ASAH1: variants seen among roughly 807,000 people sequenced by gnomAD.
ASAH1 encodes acid ceramidase.
ASAH1 carries 70 observed loss-of-function variants against 59.5 expected under a neutral mutation model. That is an observed-to-expected ratio of 1.18 (90% confidence interval 0.97 to 1.43). ASAH1 has a LOEUF of 1.43. Ranked by LOEUF, ASAH1 falls within the 40% of genes most tolerant of loss-of-function variation. The pLI, the probability that ASAH1 is intolerant of heterozygous loss-of-function variation, is 0.00. For synonymous variants in ASAH1, 213 were observed against 166.5 expected (o/e 1.28, Z -2.15); for missense variants, 660 against 482.5 (o/e 1.37, Z -3.45).
At chr8:18,084,128 G>C, upstream of ASAH1, 1 of 1,582,418 alleles carries the variant, frequency 6.3e-7, no homozygotes, top group East Asian at 2.3e-5. Context: ...GCCGGGGGCA[G>C]GCCACGCCCC....
rs768090112 is a variant in ASAH1, at chr8:18,075,583, G to A, written c.83C>T (p.Thr28Ile). The A allele has an allele frequency of 1.2e-6, 2 of 1,614,012 alleles. No homozygotes were observed. Among genetic ancestry groups the A allele is most frequent in the South Asian group, 1.1e-5 (1 of 91,082 alleles). The part of the protein sequence containing the change: ...CAVAQHAPPW[T>I]EDCRKSTYPP... ...ATAGGTTGATTTTCTGCAGTCCTCTGTCCACTGAAAAGCAAAGAAAATTAA... is the reference window on the plus strand; with the variant it reads ...ATAGGTTGATTTTCTGCAGTCCTCTATCCACTGAAAAGCAAAGAAAATTAA... The change falls in exon 2 of 14, where the codon ACA becomes ATA. Residue 28 changes from threonine (T) to isoleucine (I), a missense_variant. By Grantham distance (89) the Thr-to-Ile change is moderately conservative. Coordinates refer to ENST00000637790, the MANE Select transcript of ASAH1 (RefSeq NM_177924.5).
chr8:18,064,740 C>T (rs550899409), intron 5 of ASAH1: 22 of 541,274 alleles, frequency 4.1e-5, no homozygotes, highest in African/African-American at 2.5e-4. Context: ...AGGCAGCCTT[C>T]GGGCGAGCTG....
chr8:18,060,902 G>T (rs750858704), intron 10 of ASAH1: 2 of 174,104 alleles, frequency 1.1e-5, no homozygotes, highest in Non-Finnish European at 2.5e-5. Flanking sequence ...GCAGGCACGT[G>T]TCACCATGCC....
chr8:18,083,213 T>C (rs1214276863), intron 1 of ASAH1: 1 of 152,262 alleles, frequency 6.6e-6, no homozygotes, highest in Non-Finnish European at 1.5e-5. Context: ...AAACGCAGTC[T>C]GATTGCTTTA....
chr8:18,084,261 G>A (rs374641220), upstream of ASAH1: 461 of 1,451,234 alleles, frequency 3.2e-4, 2 homozygotes, highest in African/African-American at 5.9e-3. Context: ...GTGGCGTAGA[G>A]AAAGAGAGAG....
At chr8:18,084,275 C>A, upstream of ASAH1, 1 of 1,441,044 alleles carries the variant, frequency 6.9e-7, no homozygotes, top group Non-Finnish European at 9.1e-7. Context: ...GAGAGAGAGC[C>A]TTCCAGGCTA....
Position 18,064,548 on chromosome 8 carries a change from T to C in ASAH1, c.383-17A>G. The C allele has an allele frequency of 7.1e-7, 1 of 1,418,050 alleles. No homozygotes were observed. The highest frequency in any genetic ancestry group is 9.9e-7 in the Non-Finnish European group (1 of 1,013,744). 87.8% of individuals were successfully genotyped at this position (1,418,050 alleles called of 1,614,324 possible). A position where few individuals can be genotyped will look rare whatever the true frequency, so the allele number is the denominator to read the frequency against. On this transcript the variant is annotated splice_polypyrimidine_tract_variant and intron_variant, in intron 5 of 13. Coordinates refer to ENST00000637790, the MANE Select transcript of ASAH1 (RefSeq NM_177924.5). ...TAATCTCTCCTATGAGAAAAGAAAATTTTGTGTTAATATACAGAACCATGA... is the reference window on the plus strand; with the variant it reads ...TAATCTCTCCTATGAGAAAAGAAAACTTTGTGTTAATATACAGAACCATGA...
At chr8:18,067,139 C>CTGTATATCTAAGACATACAGCACCTGTGT in intron 5 of ASAH1, 81 bp downstream of exon 5, 4 of 1,126,448 alleles carry the variant, frequency 3.6e-6, no homozygotes, top group Non-Finnish European at 3.8e-6. Context: ...AGCACCTGTG[C>CTGTATATCTAAGACATACAGCACCTGTGT]TGTATGTATA....
intron 1 of ASAH1, among the ~76,000 whole-genome samples, chr8:18,078,112 AGG>A (rs1589002938): frequency 6.6e-6 from 1 of 152,318 alleles, no homozygotes; most frequent in East Asian, 1.9e-4. Flanking sequence ...CGCGTAGTTC[AGG>A]GCTTCTGGTG....
intron 4 of ASAH1, chr8:18,068,780 C>A (rs1260439344): frequency 6.6e-6 from 1 of 152,266 alleles, no homozygotes; most frequent in Admixed American, 6.6e-5. Flanking sequence ...AAAAAAGAGA[C>A]ACCCACCCCA....
intron 8 of ASAH1, 53 bp downstream of exon 8, chr8:18,062,226 C>T (rs532912450): frequency 2.8e-4 from 458 of 1,611,270 alleles, no homozygotes; most frequent in Non-Finnish European, 3.6e-4. Flanking sequence ...TTTTACATAA[C>T]GGTAACAGGA....
At position 18,073,415 on chromosome 8, in the gene ASAH1, T is replaced by C. The variant is rs1800256862; in HGVS notation, c.126-2025A>G. The C allele has an allele frequency of 6.0e-5, 54 of 895,702 alleles. No individual in the cohort carries two copies. In the South Asian group the frequency reaches 8.4e-4, roughly 14 times the overall value. The allele number at this position is 895,702 out of a possible 1,614,324, so 55.5% of individuals were successfully genotyped here. ...CATTTTTGAGACTTAGTGTTTGCAA[T>C]GTCCATGCCATTCATAATATCAGCA... On this transcript the variant is annotated intron_variant, in intron 2 of 13. Transcript: ENST00000637790.
Position 18,071,289 on chromosome 8 carries a change from T to A in ASAH1, c.216+11A>T. ...AATAAAGAAATAAAAGATTTAAGCATCATAGCATACCACTGGTGCCTTGTC... is the reference window on the plus strand; with the variant it reads ...AATAAAGAAATAAAAGATTTAAGCAACATAGCATACCACTGGTGCCTTGTC... On this transcript the variant is annotated intron_variant, in intron 3 of 13. Transcript: ENST00000637790. The A allele has an allele frequency of 6.7e-7, 1 of 1,489,156 alleles. No homozygotes were observed. Among genetic ancestry groups the A allele is most frequent in the Non-Finnish European group, 9.3e-7 (1 of 1,077,050 alleles). The allele number at this position is 1,489,156 out of a possible 1,614,324, so 92.2% of individuals were successfully genotyped here. A position where few individuals can be genotyped will look rare whatever the true frequency, so the allele number is the denominator to read the frequency against.
Position 18,059,687 on chromosome 8 carries a change from T to C in ASAH1, c.802A>G (p.Asn268Asp). The C allele has an allele frequency of 6.2e-7, 1 of 1,614,152 alleles. No homozygotes were observed. The highest frequency in any genetic ancestry group is 1.1e-5 in the South Asian group (1 of 91,076). ...ENSTSYEEAK[N>D]LLTKTKILAP... The stretch of plus-strand genomic sequence containing the variant: ...AATATCTTGGTCTTGGTCAATAAAT[T>C]CTTGGCTTCTTCATAACTATATAGA... The change falls in exon 11 of 14, where the codon AAT (asparagine) becomes GAT (aspartate). Residue 268 changes from asparagine (N) to aspartate (D), a missense_variant. By Grantham distance (23) the Asn-to-Asp change is conservative. Coordinates refer to ENST00000637790, the MANE Select transcript of ASAH1 (RefSeq NM_177924.5).
chr8:18,063,332 C>A, intron 6 of ASAH1, 102 bp from the exon 7 acceptor site: 4 of 1,178,174 alleles, frequency 3.4e-6, no homozygotes, highest in South Asian at 1.2e-5. Context: ...GAGACAGAGT[C>A]TCGTTCTGTT....
At chr8:18,084,939 G>C (rs531134948), upstream of ASAH1, 22 of 1,291,736 alleles carry the variant, frequency 1.7e-5, no homozygotes, top group Admixed American at 4.0e-4. Context: ...CAGTCGCGCG[G>C]GTAGGTGACC....
chr8:18,084,121 G>A (rs1243280465), upstream of ASAH1: 21 of 1,585,210 alleles, frequency 1.3e-5, no homozygotes, highest in East Asian at 4.3e-4. Flanking sequence ...CGGCTGGGCC[G>A]GGGGCAGGCC....
chr8:18,074,854 C>T (rs185749705), intron 2 of ASAH1, among the ~76,000 whole-genome samples: 83 of 152,258 alleles, frequency 5.5e-4, no homozygotes, highest in Admixed American at 2.3e-3. Flanking sequence ...AGGGCCTATG[C>T]TTTTTTGTTA....
At chr8:18,079,641 CAGAA>C (rs1312774060) in intron 1 of ASAH1, among the ~76,000 whole-genome samples, 6 of 152,080 alleles carry the variant, frequency 3.9e-5, no homozygotes, top group South Asian at 2.1e-4. Context: ...TTGAAATACT[CAGAA>C]AGAGACAATG....
Sources: gnomAD v4.1 joint callset for allele counts (sites outside exome capture counted in the v4.1 genomes callset) on GRCh38, gnomAD v4.1.1 for gene constraint, MANE v1.5 for transcripts, NCBI Gene and HGNC (gene_info 2026-07-23, HGNC 2026-07-21) for gene names.